ADCY8: variants seen among roughly 807,000 people sequenced by gnomAD.
ADCY8 encodes the protein adenylate cyclase 8, also known as adenylate cyclase type 8.
A neutral mutation model predicts 119.7 loss-of-function variants in ADCY8; 51 were observed. The ratio of observed to expected loss-of-function variants is 0.43; its 90% CI spans 0.34 to 0.54. The LOEUF (loss-of-function observed/expected upper bound fraction) is 0.54. Among genes scored for constraint, ADCY8 ranks in the 20% least tolerant of loss-of-function variants. The pLI is 0.03. For missense variants in ADCY8, 1,383 were observed against 1,598.8 expected, an observed-to-expected ratio of 0.87 and a Z score of 2.30; for synonymous variants, 665 against 651.0, an observed-to-expected ratio of 1.02 and a Z score of -0.33.
At chr8:130,898,889 C>T (rs1403345932) in intron 7 of ADCY8, among the ~76,000 whole-genome samples, 1 of 152,200 alleles carries the variant, frequency 6.6e-6, no homozygotes, top group Non-Finnish European at 1.5e-5. Flanking sequence ...TCTTCACAGG[C>T]AGCCAAAGTG....
chr8:130,932,224 G>GAA (rs1188991143), intron 5 of ADCY8, among the ~76,000 whole-genome samples: 1 of 152,148 alleles, frequency 6.6e-6, no homozygotes, highest in African/African-American at 2.4e-5. Flanking sequence ...TAGGACCACT[G>GAA]AGGCTTTCCC....
At chr8:131,032,231 T>C (rs1233379564) in intron 1 of ADCY8, among the ~76,000 whole-genome samples, 4 of 152,234 alleles carry the variant, frequency 2.6e-5, no homozygotes, top group Non-Finnish European at 4.4e-5. Context: ...GTCTTCACCA[T>C]GTATAACTTT....
At chr8:130,983,396 A>G (rs1246860418) in intron 2 of ADCY8, among the ~76,000 whole-genome samples, 1 of 152,180 alleles carries the variant, frequency 6.6e-6, no homozygotes, top group Non-Finnish European at 1.5e-5. Flanking sequence ...GAACCCAACA[A>G]GAAGCCAGAG....
chr8:130,814,294 C>A (rs1011579128), intron 13 of ADCY8, 67 bp from the exon 14 acceptor site: 59 of 1,544,310 alleles, frequency 3.8e-5, no homozygotes, highest in Non-Finnish European at 4.7e-5. Flanking sequence ...CAGGCACAGA[C>A]AACTGGGAGG....
chr8:130,837,310 T>C (rs1359270593), intron 11 of ADCY8, among the ~76,000 whole-genome samples: 5 of 152,130 alleles, frequency 3.3e-5, no homozygotes, highest in African/African-American at 1.2e-4. Context: ...ATATATCAGA[T>C]TTCCTTTCAT....
At chr8:130,790,500 C>T (rs185034566) in intron 15 of ADCY8, among the ~76,000 whole-genome samples, 1 of 152,326 alleles carries the variant, frequency 6.6e-6, no homozygotes, top group African/African-American at 2.4e-5. Flanking sequence ...CATGTCTCCA[C>T]CTCTGATTAC....
At chr8:131,001,200 C>T (rs1349647315) in intron 1 of ADCY8, among the ~76,000 whole-genome samples, 1 of 152,116 alleles carries the variant, frequency 6.6e-6, no homozygotes, top group Non-Finnish European at 1.5e-5. Context: ...GGCTATTCCG[C>T]CTCAAAGCCT....
At chr8:130,827,657 G>A (rs958124099) in intron 12 of ADCY8, among the ~76,000 whole-genome samples, 1 of 152,116 alleles carries the variant, frequency 6.6e-6, no homozygotes, top group Non-Finnish European at 1.5e-5. Context: ...ACTTGTGTAT[G>A]TCTGTGTCCT....
chr8:130,800,290 C>A, intron 15 of ADCY8, 136 bp downstream of exon 15: 1 of 952,486 alleles, frequency 1.0e-6, no homozygotes, highest in Middle Eastern at 2.6e-4. Context: ...TCAGATAATA[C>A]ATGTTTGTGT....
At chr8:130,977,309 A>G (rs187135341) in intron 2 of ADCY8, among the ~76,000 whole-genome samples, 10 of 152,366 alleles carry the variant, frequency 6.6e-5, no homozygotes, top group Non-Finnish European at 1.2e-4. Context: ...CTCGAAAAAC[A>G]GAAAATATCA....
At position 130,978,558 on chromosome 8, in the gene ADCY8, A is replaced by C. The variant is rs543713562; in HGVS notation, c.1110+11835T>G. Among the ~76,000 whole-genome samples the C allele has an allele frequency of 2.0e-5, 3 of 152,328 alleles. No homozygotes were observed. The South Asian group carries it at 6.2e-4, about 32-fold the overall frequency. On this transcript the variant is annotated intron_variant, in intron 2 of 17. Transcript: ENST00000286355. ...TGATACAGTGTTAGTGAATGTTTAA[A>C]TATCAGGATAGATATTATAGGGGGA...
At chr8:130,886,983 T>TG (rs1819010356) in intron 7 of ADCY8, among the ~76,000 whole-genome samples, 1 of 48,424 alleles carries the variant, frequency 2.1e-5, no homozygotes, top group African/African-American at 4.6e-5. Context: ...AGAAAGGGCG[T>TG]TTTTTTTTTC....
At chr8:130,842,509 C>T (rs770078289) in intron 11 of ADCY8, among the ~76,000 whole-genome samples, 5 of 151,890 alleles carry the variant, frequency 3.3e-5, no homozygotes, top group Non-Finnish European at 5.9e-5. Context: ...CTTTATATTG[C>T]TATGTTATCA....
At chr8:130,999,881 T>A (rs950089835) in intron 1 of ADCY8, among the ~76,000 whole-genome samples, 2 of 152,192 alleles carry the variant, frequency 1.3e-5, no homozygotes, top group Admixed American at 1.3e-4. Flanking sequence ...TGATTTGCAT[T>A]TGGATATTTT....
At chr8:130,965,818 ATTC>A (rs1309189286) in intron 2 of ADCY8, among the ~76,000 whole-genome samples, 1 of 152,152 alleles carries the variant, frequency 6.6e-6, no homozygotes, top group African/African-American at 2.4e-5. Flanking sequence ...ATTTTTCATA[ATTC>A]TTCATTTTAG....
At chr8:131,003,206 T>TCACACACA (rs1554624274) in intron 1 of ADCY8, among the ~76,000 whole-genome samples, 1,624 of 137,536 alleles carry the variant, frequency 0.012, 27 homozygotes, top group African/African-American at 0.023. Context: ...TGAAACACCA[T>TCACACACA]CACACACACA....
intron 7 of ADCY8, among the ~76,000 whole-genome samples, chr8:130,886,180 C>T (rs1234145940): frequency 5.3e-5 from 8 of 152,050 alleles, no homozygotes; most frequent in South Asian, 2.1e-4. Context: ...TAGCAAGGCT[C>T]ATCACGGCTA....
chr8:130,936,073 ATG>A lies in ADCY8; in HGVS notation c.1481+998_1481+999del, dbSNP rs35028784. 3.4e-3 allele frequency among the ~76,000 whole-genome samples: 494 copies of A among 147,082 alleles called. 2 individuals carry two copies. The highest frequency in any genetic ancestry group is 0.018 in the South Asian group (83 of 4,534). Reference sequence around the variant, plus strand: ...GGGTGTTAGTCACCCAAGCACTGACATGTGTGTGTGTGTGTGTGTGTGTGTGT... The same window carrying A: ...GGGTGTTAGTCACCCAAGCACTGACATGTGTGTGTGTGTGTGTGTGTGTGT... On this transcript the variant is annotated intron_variant, in intron 5 of 17. Coordinates refer to ENST00000286355, the MANE Select transcript of ADCY8 (RefSeq NM_001115.3).
intron 15 of ADCY8, among the ~76,000 whole-genome samples, chr8:130,793,453 A>G (rs1815485243): frequency 6.6e-6 from 1 of 152,130 alleles, no homozygotes; most frequent in Non-Finnish European, 1.5e-5. Flanking sequence ...CACCGAATGT[A>G]TCTCTGTCTA....
Sources: gnomAD v4.1 joint callset for allele counts (sites outside exome capture counted in the v4.1 genomes callset) on GRCh38, gnomAD v4.1.1 for gene constraint, MANE v1.5 for transcripts, NCBI Gene and HGNC (gene_info 2026-07-23, HGNC 2026-07-21) for gene names.